ROBO1: variants seen among roughly 807,000 people sequenced by gnomAD.
The protein encoded by ROBO1 is roundabout homolog 1.
ROBO1 carries 149 observed loss-of-function variants against 195.9 expected under a neutral mutation model. The observed-to-expected ratio is 0.76, with a 90% CI of 0.67 to 0.87. The LOEUF (loss-of-function observed/expected upper bound fraction) is 0.87. ROBO1 is among the 40% of genes least tolerant of loss of function. The pLI is 0.00. For missense variants in ROBO1, 1,933 were observed against 2,068.3 expected, an observed-to-expected ratio of 0.93 and a Z score of 1.27; for synonymous variants, 816 against 733.2, an observed-to-expected ratio of 1.11 and a Z score of -1.82.
chr3:79,705,437 T>G (rs556658038), intron 1 of ROBO1, among the ~76,000 whole-genome samples: 1 of 152,228 alleles, frequency 6.6e-6, no homozygotes, highest in Admixed American at 6.6e-5. Context: ...AGATTGTCTT[T>G]TCTCCATTGT....
At chr3:79,729,651 C>T (rs1703065945) in intron 1 of ROBO1, among the ~76,000 whole-genome samples, 1 of 152,110 alleles carries the variant, frequency 6.6e-6, no homozygotes, top group African/African-American at 2.4e-5. Flanking sequence ...ATAATTTGCT[C>T]TTCATTTTGC....
intron 3 of ROBO1, among the ~76,000 whole-genome samples, chr3:79,022,636 G>A (rs1452106661): frequency 6.6e-6 from 1 of 152,204 alleles, no homozygotes; most frequent in Non-Finnish European, 1.5e-5. Flanking sequence ...AGAGAATCTT[G>A]ACTCATCAGT....
At chr3:79,141,684 G>T (rs1430512639) in intron 2 of ROBO1, among the ~76,000 whole-genome samples, 1 of 151,368 alleles carries the variant, frequency 6.6e-6, no homozygotes, top group Non-Finnish European at 1.5e-5. Context: ...GTTTCACTGC[G>T]CAAATTCACA....
At chr3:78,735,154 G>A (rs1207185442) in intron 5 of ROBO1, among the ~76,000 whole-genome samples, 1 of 152,124 alleles carries the variant, frequency 6.6e-6, no homozygotes, top group African/African-American at 2.4e-5. Context: ...TTTAATTTCT[G>A]AAGTTAAATA....
rs112984460 is a variant in ROBO1 at position 79,762,950 on chromosome 3, C to T, written c.-51+4802G>A. ...CACTACATGATCATAGGGAATGAGG[C>T]AGAGGGACATAGCAAAGAGGAATGT... On this transcript the variant is annotated intron_variant, in intron 1 of 30. Transcript: ENST00000464233. Among the ~76,000 whole-genome samples, 29 of 152,024 alleles carry T rather than the reference C, an allele frequency of 1.9e-4. 1 individual carries two copies. The highest frequency in any genetic ancestry group is 6.3e-4 in the African/African-American group (26 of 41,476).
At chr3:79,256,633 T>C (rs937881984) in intron 2 of ROBO1, among the ~76,000 whole-genome samples, 7 of 152,164 alleles carry the variant, frequency 4.6e-5, no homozygotes, top group Admixed American at 1.3e-4. Flanking sequence ...AATTCTGTCA[T>C]CAAGATATTT....
At chr3:79,663,868 GTACTC>G (rs1348015206) in intron 1 of ROBO1, among the ~76,000 whole-genome samples, 1 of 151,824 alleles carries the variant, frequency 6.6e-6, no homozygotes, top group East Asian at 1.9e-4. Flanking sequence ...TCTTCCTCTT[GTACTC>G]TACTCTTCTC....
chr3:79,685,552 A>C (rs1320189016), intron 1 of ROBO1, among the ~76,000 whole-genome samples: 1 of 152,300 alleles, frequency 6.6e-6, no homozygotes, highest in African/African-American at 2.4e-5. Context: ...AATAATGATA[A>C]GCATATGGGT....
intron 2 of ROBO1, among the ~76,000 whole-genome samples, chr3:79,476,050 GA>G (rs1575879601): frequency 1.3e-5 from 2 of 151,794 alleles, no homozygotes; most frequent in African/African-American, 2.4e-5. Flanking sequence ...AAATAAGCAA[GA>G]AAAAAATAAC....
chr3:79,041,052 C>T (rs1431180207), intron 3 of ROBO1, among the ~76,000 whole-genome samples: 1 of 152,098 alleles, frequency 6.6e-6, no homozygotes, highest in Non-Finnish European at 1.5e-5. Flanking sequence ...CTGCTGGGGA[C>T]ACGTCTTTCC....
At chr3:79,096,234 T>C (rs2079563428) in intron 3 of ROBO1, among the ~76,000 whole-genome samples, 1 of 151,972 alleles carries the variant, frequency 6.6e-6, no homozygotes, top group Non-Finnish European at 1.5e-5. Flanking sequence ...GATGCCGTCA[T>C]TTCCCTTCAA....
intron 2 of ROBO1, among the ~76,000 whole-genome samples, chr3:79,165,617 G>A (rs999503059): frequency 4.6e-5 from 7 of 152,262 alleles, no homozygotes; most frequent in Non-Finnish European, 7.4e-5. Flanking sequence ...CTGAAAGAAC[G>A]GAATTTCCCC....
At chr3:79,614,511 C>T (rs745387745) in intron 1 of ROBO1, among the ~76,000 whole-genome samples, 21 of 151,938 alleles carry the variant, frequency 1.4e-4, no homozygotes, top group Non-Finnish European at 2.8e-4. Context: ...GTGTGCTTAG[C>T]GATGCCTCAT....
chr3:78,651,122 T>C (rs569342038), intron 19 of ROBO1, among the ~76,000 whole-genome samples: 1 of 152,320 alleles, frequency 6.6e-6, no homozygotes, highest in South Asian at 2.1e-4. Context: ...CTGTCTTTTT[T>C]AAAACTGTAA....
intron 4 of ROBO1, among the ~76,000 whole-genome samples, chr3:78,750,334 T>C (rs1343537852): frequency 6.6e-6 from 1 of 151,620 alleles, no homozygotes; most frequent in Non-Finnish European, 1.5e-5. Flanking sequence ...GCACCTGTAG[T>C]TGCAGCTACT....
chr3:79,174,490 C>T (rs2081229664), intron 2 of ROBO1, among the ~76,000 whole-genome samples: 1 of 152,118 alleles, frequency 6.6e-6, no homozygotes, highest in Admixed American at 6.5e-5. Context: ...CAGCGTCATT[C>T]TTGAAGTCAG....
At chr3:79,373,635 C>G (rs2036281555) in intron 2 of ROBO1, among the ~76,000 whole-genome samples, 1 of 152,306 alleles carries the variant, frequency 6.6e-6, no homozygotes, top group East Asian at 1.9e-4. Flanking sequence ...GGAATTGTAT[C>G]TGATCTTTAG....
rs116125749 is a variant in ROBO1, at chr3:78,627,551, T to G, written c.3645A>C (p.Pro1215=). 6.2e-7 allele frequency: 1 copy of G among 1,612,320 alleles called. No homozygotes were observed. Among genetic ancestry groups the G allele is most frequent in the South Asian group, 1.1e-5 (1 of 90,826 alleles). The change falls in exon 26 of 31, where the codon CCA becomes CCC. Residue 1215 remains proline (P), a synonymous_variant. Coordinates refer to ENST00000464233, the MANE Select transcript of ROBO1 (RefSeq NM_002941.4). ...SVDESYDQEM[P]CPVPPARMYL... ...ACATCCTTGCTGGTGGCACGGGACATGGCATTTCTTGGTCATAGCTAAAAT... is the reference window on the plus strand; with the variant it reads ...ACATCCTTGCTGGTGGCACGGGACAGGGCATTTCTTGGTCATAGCTAAAAT...
intron 2 of ROBO1, among the ~76,000 whole-genome samples, chr3:79,415,835 C>T (rs1415309382): frequency 6.6e-6 from 1 of 151,986 alleles, no homozygotes; most frequent in Non-Finnish European, 1.5e-5. Flanking sequence ...GGAGGCAGAA[C>T]AATGATGTTG....
Sources: allele counts gnomAD v4.1 joint callset (sites outside exome capture counted in the v4.1 genomes callset), GRCh38; gene constraint gnomAD v4.1.1; transcripts MANE v1.5; gene names NCBI Gene and HGNC (gene_info 2026-07-23, HGNC 2026-07-21).